Variants in ZNF385D observed in about 807,000 individuals in gnomAD.
ZNF385D encodes zinc finger protein 385D.
A neutral mutation model predicts 35.8 loss-of-function variants in ZNF385D; 15 were observed. The observed-to-expected ratio is 0.42, with a 90% CI of 0.28 to 0.64. The LOEUF (loss-of-function observed/expected upper bound fraction) is 0.64, where lower values mean the gene tolerates loss of function less well. ZNF385D is among the 30% of genes least tolerant of loss of function. ZNF385D has a pLI of 0.23. For synonymous variants in ZNF385D, 212 were observed against 186.8 expected, an observed-to-expected ratio of 1.13 and a Z score of -1.10; for missense variants, 474 against 494.6, an observed-to-expected ratio of 0.96 and a Z score of 0.39.
chr3:21,445,554 C>G (rs1006646077), intron 4 of ZNF385D, among the ~76,000 whole-genome samples: 1 of 152,160 alleles, frequency 6.6e-6, no homozygotes, highest in Admixed American at 6.5e-5. Context: ...AAAGCATTGT[C>G]CTTAGTTGAT....
chr3:21,923,858 G>A (rs1026240963), intron 3 of ZNF385D, among the ~76,000 whole-genome samples: 1 of 151,986 alleles, frequency 6.6e-6, no homozygotes, highest in South Asian at 2.1e-4. Context: ...GGGAGGAAAT[G>A]GTTAATAAAC....
At chr3:21,843,235 A>G (rs1421170521) in intron 3 of ZNF385D, among the ~76,000 whole-genome samples, 1 of 151,970 alleles carries the variant, frequency 6.6e-6, no homozygotes, top group East Asian at 1.9e-4. Flanking sequence ...GTTGGGGAAA[A>G]AGGTTTAAGA....
intron 3 of ZNF385D, among the ~76,000 whole-genome samples, chr3:22,147,753 G>GAGTTAGGATTGAATCTAGATCCT (rs1249643724): frequency 6.6e-6 from 1 of 152,138 alleles, no homozygotes; most frequent in African/African-American, 2.4e-5. Context: ...CACAATGAAA[G>GAGTTAGGATTGAATCTAGATCCT]AGTTAGGATT....
At chr3:22,046,327 C>T (rs547694133) in intron 3 of ZNF385D, among the ~76,000 whole-genome samples, 9 of 152,140 alleles carry the variant, frequency 5.9e-5, no homozygotes, top group Admixed American at 3.9e-4. Context: ...TCCTCACTAT[C>T]GCTATCACTG....
chr3:21,773,869 C>T (rs1181522212), intron 3 of ZNF385D, among the ~76,000 whole-genome samples: 3 of 151,932 alleles, frequency 2.0e-5, no homozygotes, highest in Non-Finnish European at 4.4e-5. Context: ...GGCAATTCCT[C>T]AAAGACCTAG....
chr3:21,531,815 CAA>C (rs1267034917), intron 3 of ZNF385D, among the ~76,000 whole-genome samples: 1 of 152,136 alleles, frequency 6.6e-6, no homozygotes, highest in African/African-American at 2.4e-5. Flanking sequence ...AATATGGTAA[CAA>C]ATATTATTCT....
intron 2 of ZNF385D, among the ~76,000 whole-genome samples, chr3:21,621,903 G>T (rs182944144): frequency 6.7e-6 from 1 of 149,762 alleles, no homozygotes; most frequent in Non-Finnish European, 1.5e-5. Context: ...GTGCGTGCAC[G>T]CACGTGTGTG....
intron 2 of ZNF385D, among the ~76,000 whole-genome samples, chr3:22,298,530 AT>A (rs1002342084): frequency 1.1e-3 from 158 of 145,196 alleles, no homozygotes; most frequent in African/African-American, 3.7e-3. Flanking sequence ...TATAATATAT[AT>A]ACATAAAACA....
At chr3:21,477,215 T>C (rs997829776) in intron 4 of ZNF385D, among the ~76,000 whole-genome samples, 3 of 151,978 alleles carry the variant, frequency 2.0e-5, no homozygotes, top group Non-Finnish European at 4.4e-5. Context: ...GAGGTTTCTA[T>C]AGCAAGACCA....
chr3:22,259,835 G>GAA (rs34864158), intron 2 of ZNF385D, among the ~76,000 whole-genome samples: 87 of 144,710 alleles, frequency 6.0e-4, no homozygotes, highest in African/African-American at 1.9e-3. Context: ...ACATAGTGAG[G>GAA]AAAAAAAAAA....
intron 2 of ZNF385D, among the ~76,000 whole-genome samples, chr3:21,644,776 A>G (rs2065703919): frequency 6.6e-6 from 1 of 152,216 alleles, no homozygotes; most frequent in African/African-American, 2.4e-5. Flanking sequence ...CTGGATTAAA[A>G]TTTATACTAC....
At chr3:22,074,239 A>G (rs1259250047) in intron 3 of ZNF385D, among the ~76,000 whole-genome samples, 1 of 152,026 alleles carries the variant, frequency 6.6e-6, no homozygotes, top group Admixed American at 6.6e-5. Context: ...AGGCAAAGAC[A>G]AGCTGATCCA....
At position 21,886,542 on chromosome 3, in the gene ZNF385D, G is replaced by A. The variant is rs192862945; in HGVS notation, c.326-221514C>T. ...TCCTTTCTGAAGAAATAAAACTCAAGCAGATATTGGATGGACGGCTCAGAA... is the reference window on the plus strand; with the variant it reads ...TCCTTTCTGAAGAAATAAAACTCAAACAGATATTGGATGGACGGCTCAGAA... On this transcript the variant is annotated intron_variant, in intron 3 of 5. Transcript: ENST00000494108. Among the ~76,000 whole-genome samples the A allele has an allele frequency of 3.7e-3, 561 of 151,982 alleles. 1 individual carries two copies. The highest frequency in any genetic ancestry group is 0.013 in the African/African-American group (544 of 41,490).
intron 3 of ZNF385D, among the ~76,000 whole-genome samples, chr3:22,147,377 C>G (rs1472883678): frequency 6.6e-6 from 1 of 152,060 alleles, no homozygotes; most frequent in Non-Finnish European, 1.5e-5. Flanking sequence ...GCTTTCGGGC[C>G]ATGGGAATTG....
intron 3 of ZNF385D, among the ~76,000 whole-genome samples, chr3:21,908,299 G>C (rs1699799880): frequency 6.6e-6 from 1 of 151,990 alleles, no homozygotes; most frequent in East Asian, 1.9e-4. Context: ...ATTCCAGGAT[G>C]CAAAGCTGCA....
chr3:22,218,757 T>C lies in ZNF385D; in HGVS notation c.107-49722A>G, dbSNP rs868652004. On this transcript the variant is annotated intron_variant, in intron 2 of 5. Coordinates refer to the ZNF385D transcript ENST00000494108. ...TTCTCCTGGCTCTCAGCAACATGGG[T>C]TTTTACTAACTTTATAGTTGTTCAT... Among the ~76,000 whole-genome samples the C allele has an allele frequency of 3.9e-5, 6 of 152,222 alleles. No homozygotes were observed. The South Asian group carries it at 1.2e-3, about 32-fold the overall frequency.
At chr3:22,090,453 T>C (rs1353960321) in intron 3 of ZNF385D, among the ~76,000 whole-genome samples, 1 of 151,898 alleles carries the variant, frequency 6.6e-6, no homozygotes, top group Non-Finnish European at 1.5e-5. Context: ...ATGATTATTA[T>C]AAGGAGCATG....
intron 2 of ZNF385D, among the ~76,000 whole-genome samples, chr3:21,639,810 T>G (rs549194672): frequency 3.3e-5 from 5 of 151,904 alleles, no homozygotes; most frequent in Non-Finnish European, 5.9e-5. Context: ...ATATAATAGT[T>G]ATAGATTTTT....
intron 4 of ZNF385D, among the ~76,000 whole-genome samples, chr3:21,477,525 G>A (rs148695042): frequency 6.6e-6 from 1 of 152,226 alleles, no homozygotes; most frequent in East Asian, 1.9e-4. Context: ...CTAACATACT[G>A]TTTTGTTCAA....
Sources: allele counts gnomAD v4.1 joint callset (sites outside exome capture counted in the v4.1 genomes callset), GRCh38; gene constraint gnomAD v4.1.1; transcripts MANE v1.5; gene names NCBI Gene and HGNC (gene_info 2026-07-23, HGNC 2026-07-21).